LRP1B: variants seen among roughly 807,000 people sequenced by gnomAD.
LRP1B encodes the protein LDL receptor related protein 1B.
Under a neutral mutation model 556.6 loss-of-function variants are expected in LRP1B, and 217 were observed. That is an observed-to-expected ratio of 0.39 (90% CI 0.35 to 0.44). The LOEUF is 0.44. LRP1B is among the 20% of genes least tolerant of loss of function. The pLI is 1.00. For synonymous variants in LRP1B, 2,047 were observed against 1,865.8 expected (o/e 1.10, Z -2.50); for missense variants, 5,053 against 5,620.8 (o/e 0.90, Z 3.23).
intron 2 of LRP1B, among the ~76,000 whole-genome samples, chr2:141,636,162 T>C (rs961238388): frequency 2.7e-4 from 41 of 152,196 alleles, no homozygotes; most frequent in African/African-American, 9.4e-4. Context: ...TATCCACTTA[T>C]AAAAAGAAGA....
intron 2 of LRP1B, among the ~76,000 whole-genome samples, chr2:141,546,646 A>T (rs1229814783): frequency 6.6e-6 from 1 of 152,216 alleles, no homozygotes; most frequent in Non-Finnish European, 1.5e-5. Flanking sequence ...TCAATAATGA[A>T]TGAGGAAGGA....
intron 1 of LRP1B, among the ~76,000 whole-genome samples, chr2:142,065,432 T>A (rs1222201991): frequency 6.6e-6 from 1 of 151,058 alleles, no homozygotes; most frequent in African/African-American, 2.4e-5. Context: ...TTGGCCTCAT[T>A]CTGATCTTTT....
intron 43 of LRP1B, among the ~76,000 whole-genome samples, chr2:140,575,440 A>T (rs1681481327): frequency 6.6e-6 from 1 of 152,208 alleles, no homozygotes; most frequent in Non-Finnish European, 1.5e-5. Context: ...GTGTATTATT[A>T]TTCATGTAAG....
chr2:141,365,655 C>CTTTTTTTTTTTTTTTTGGTT (rs781538829), intron 3 of LRP1B, among the ~76,000 whole-genome samples: 1 of 121,150 alleles, frequency 8.3e-6, no homozygotes, highest in African/African-American at 3.2e-5. Context: ...GTTTTTGTTG[C>CTTTTTTTTTTTTTTTTGGTT]TTTTTTTTTT....
At position 140,716,803 on chromosome 2, in the gene LRP1B, G is replaced by C. The variant is rs2105464654; in HGVS notation, c.5772C>G (p.Ile1924Met). Residue 1924 changes from isoleucine to methionine, a missense_variant, in exon 36 of 91, where the codon ATC becomes ATG. Coordinates refer to ENST00000389484, the MANE Select transcript of LRP1B (RefSeq NM_018557.3). ...TATTGAAGCCCATGTCTGTCCAGTA[G>C]ATGGTATCATTTTCTATGGATAAGA... ...GIDFHAENDT[I>M]YWTDMGFNKI... is the part of the protein sequence containing the mutation. 2 of 1,597,554 alleles carry C rather than the reference G, an allele frequency of 1.3e-6. No homozygotes were observed. Among genetic ancestry groups the C allele is most frequent in the Non-Finnish European group, 1.7e-6 (2 of 1,168,986 alleles).
At chr2:141,760,155 G>A (rs776472120) in intron 2 of LRP1B, among the ~76,000 whole-genome samples, 1 of 152,038 alleles carries the variant, frequency 6.6e-6, no homozygotes, top group Non-Finnish European at 1.5e-5. Context: ...ATGTGTTAAT[G>A]CAAAAATACA....
chr2:141,647,487 C>T (rs1309010227), intron 2 of LRP1B, among the ~76,000 whole-genome samples: 2 of 152,134 alleles, frequency 1.3e-5, no homozygotes. Context: ...TGTTTACAAA[C>T]TTCAGACGAT....
At chr2:141,028,213 T>C (rs1489328886) in intron 11 of LRP1B, among the ~76,000 whole-genome samples, 4 of 151,800 alleles carry the variant, frequency 2.6e-5, no homozygotes, top group African/African-American at 9.7e-5. Context: ...TTAAATGATA[T>C]TAATAATATA....
intron 3 of LRP1B, among the ~76,000 whole-genome samples, chr2:141,464,612 T>TTTTTTTTTTTTTTTTTTTTTTTG (rs1682103586): frequency 8.4e-6 from 1 of 119,686 alleles, no homozygotes. Flanking sequence ...ATATATTTTT[T>TTTTTTTTTTTTTTTTTTTTTTTG]TAGTAGAGAT....
At chr2:141,846,010 A>AAG (rs70994456) in intron 1 of LRP1B, among the ~76,000 whole-genome samples, 28,339 of 150,704 alleles carry the variant, frequency 0.19, 3,157 homozygotes, top group East Asian at 0.34. Flanking sequence ...AGGAAATTTA[A>AAG]AGAGAGAGAG....
chr2:141,781,658 T>G (rs1386177351), intron 2 of LRP1B, among the ~76,000 whole-genome samples: 1 of 152,194 alleles, frequency 6.6e-6, no homozygotes, highest in South Asian at 2.1e-4. Context: ...TTATTTAATT[T>G]AAATTTCCCT....
At chr2:141,701,051 T>C (rs1199597150) in intron 2 of LRP1B, among the ~76,000 whole-genome samples, 2 of 151,876 alleles carry the variant, frequency 1.3e-5, no homozygotes, top group African/African-American at 4.8e-5. Context: ...CTAAATTTAC[T>C]GCTCTTGGCT....
At chr2:141,797,186 T>TATATATATATAA (rs1328874775) in intron 2 of LRP1B, among the ~76,000 whole-genome samples, 1 of 132,412 alleles carries the variant, frequency 7.6e-6, no homozygotes, top group Admixed American at 7.7e-5. Flanking sequence ...TATATATATA[T>TATATATATATAA]AACTATATAT....
intron 23 of LRP1B, among the ~76,000 whole-genome samples, chr2:140,887,524 T>C (rs1693674604): frequency 1.3e-5 from 2 of 152,150 alleles, no homozygotes; most frequent in East Asian, 1.9e-4. Flanking sequence ...AACTGTATTA[T>C]AGACTTAAAT....
intron 3 of LRP1B, among the ~76,000 whole-genome samples, chr2:141,353,327 T>C (rs1330421385): frequency 6.6e-6 from 1 of 151,956 alleles, no homozygotes; most frequent in African/African-American, 2.4e-5. Context: ...CTGGGTCATC[T>C]CTAAGTTAGA....
At chr2:140,727,547 G>C (rs1193027373) in intron 35 of LRP1B, among the ~76,000 whole-genome samples, 1 of 152,174 alleles carries the variant, frequency 6.6e-6, no homozygotes, top group Non-Finnish European at 1.5e-5. Context: ...CCTAATACTT[G>C]AAGACTGGGT....
chr2:141,916,151 C>A (rs779965987), intron 1 of LRP1B, among the ~76,000 whole-genome samples: 17 of 152,060 alleles, frequency 1.1e-4, no homozygotes, highest in African/African-American at 3.9e-4. Flanking sequence ...CTATTAACAA[C>A]AGCAAAGACA....
chr2:141,679,085 T>C (rs1691008495), intron 2 of LRP1B, among the ~76,000 whole-genome samples: 2 of 152,156 alleles, frequency 1.3e-5, no homozygotes, highest in Admixed American at 1.3e-4. Context: ...AGAATGGTGC[T>C]TGTGGCAAAG....
intron 7 of LRP1B, among the ~76,000 whole-genome samples, chr2:141,150,866 GGTTTGTGTGTGT>G (rs770674331): frequency 0.013 from 595 of 45,860 alleles, 21 homozygotes; most frequent in Admixed American, 0.11. Flanking sequence ...TTGTCATGCT[GGTTTGTGTGTGT>G]GTGTGTGTGT....
Sources: allele counts gnomAD v4.1 joint callset (sites outside exome capture counted in the v4.1 genomes callset), GRCh38; gene constraint gnomAD v4.1.1; transcripts MANE v1.5; gene names NCBI Gene and HGNC (gene_info 2026-07-23, HGNC 2026-07-21).